The following YEATS4 variants were observed in gnomAD, a reference collection of about 807,000 sequenced individuals.
YEATS4 encodes YEATS domain-containing protein 4.
Under a neutral mutation model 30.1 loss-of-function variants are expected in YEATS4, and 17 were observed. The observed-to-expected ratio is 0.56, with a 90% CI of 0.39 to 0.85. The LOEUF is 0.85. Among genes scored for constraint, YEATS4 ranks in the 40% least tolerant of loss-of-function variants. YEATS4 has a pLI of 0.00. For missense variants in YEATS4, 142 were observed against 268.3 expected (o/e 0.53, Z 3.29); for synonymous variants, 85 against 87.5 (o/e 0.97, Z 0.16).
the YEATS4 span, among the ~76,000 whole-genome samples, chr12:69,401,717 T>C: frequency 6.6e-6 from 1 of 152,228 alleles, no homozygotes; most frequent in Non-Finnish European, 1.5e-5. Context: ...TTAGTTCATA[T>C]ACACCATCCA....
the YEATS4 span, among the ~76,000 whole-genome samples, chr12:69,412,840 A>G: frequency 6.6e-6 from 1 of 151,916 alleles, no homozygotes; most frequent in Non-Finnish European, 1.5e-5. Flanking sequence ...TGGGAGGGAG[A>G]GCAGGAGGGC....
At chr12:69,391,316 C>A (rs578013972), downstream of YEATS4, among the ~76,000 whole-genome samples, 2 of 151,668 alleles carry the variant, frequency 1.3e-5, no homozygotes, top group Non-Finnish European at 2.9e-5. Flanking sequence ...AAAATTAAAT[C>A]TTTCATAGAG....
the YEATS4 span, among the ~76,000 whole-genome samples, chr12:69,416,483 G>A: frequency 1.3e-5 from 2 of 152,156 alleles, no homozygotes; most frequent in Non-Finnish European, 2.9e-5. Flanking sequence ...ATGGTTATCA[G>A]AATGGTGTTT....
intron 4 of YEATS4, among the ~76,000 whole-genome samples, chr12:69,369,123 T>G (rs1001101581): frequency 6.6e-6 from 1 of 152,174 alleles, no homozygotes; most frequent in African/African-American, 2.4e-5. Context: ...TATCCCATCT[T>G]TGACCTCTTT....
At chr12:69,383,578 A>T (rs181399690) in intron 6 of YEATS4, among the ~76,000 whole-genome samples, 1 of 152,330 alleles carries the variant, frequency 6.6e-6, no homozygotes, top group Admixed American at 6.5e-5. Context: ...AGGTGCATGT[A>T]ATGTCCTCAC....
chr12:69,382,130 C>T (rs746220336), intron 6 of YEATS4, among the ~76,000 whole-genome samples: 17 of 152,198 alleles, frequency 1.1e-4, no homozygotes, highest in Non-Finnish European at 2.4e-4. Context: ...TAATCAGTCT[C>T]ATTATAGGAA....
intron 6 of YEATS4, among the ~76,000 whole-genome samples, chr12:69,383,548 A>G (rs1004813269): frequency 2.0e-5 from 3 of 152,212 alleles, no homozygotes; most frequent in African/African-American, 7.2e-5. Context: ...ACAAACAGCA[A>G]ATATGGAGGG....
chr12:69,378,929 C>G (rs938908409), intron 6 of YEATS4, among the ~76,000 whole-genome samples: 3 of 151,562 alleles, frequency 2.0e-5, no homozygotes, highest in African/African-American at 7.3e-5. Flanking sequence ...AGAACTTCAG[C>G]ATTTCTTGTA....
chr12:69,363,912 T>G (rs1464013931), intron 2 of YEATS4, among the ~76,000 whole-genome samples: 1 of 152,210 alleles, frequency 6.6e-6, no homozygotes, highest in African/African-American at 2.4e-5. Flanking sequence ...TGCTACTACA[T>G]GGATGAAACT....
chr12:69,418,245 G>A, the YEATS4 span, among the ~76,000 whole-genome samples: 3 of 152,030 alleles, frequency 2.0e-5, no homozygotes, highest in Non-Finnish European at 4.4e-5. Context: ...TTATTTACTA[G>A]CCAGCCTGGC....
intron 6 of YEATS4, among the ~76,000 whole-genome samples, chr12:69,381,097 G>A (rs1670737): frequency 0.63 from 95,956 of 152,002 alleles, 31,840 homozygotes; most frequent in African/African-American, 0.84. Flanking sequence ...CGGTCTGACC[G>A]AAATTTATTA....
chr12:69,372,045 G>A (rs182036439), intron 6 of YEATS4, among the ~76,000 whole-genome samples: 3 of 152,286 alleles, frequency 2.0e-5, no homozygotes, highest in Admixed American at 1.3e-4. Flanking sequence ...AGAGGACGAG[G>A]AGTGGGAGAT....
At chr12:69,407,379 A>G in the YEATS4 span, among the ~76,000 whole-genome samples, 3 of 152,174 alleles carry the variant, frequency 2.0e-5, no homozygotes, top group African/African-American at 4.8e-5. Flanking sequence ...TGCTGAATAC[A>G]TATTAATTAA....
the YEATS4 span, among the ~76,000 whole-genome samples, chr12:69,413,226 A>G: frequency 6.6e-6 from 1 of 152,146 alleles, no homozygotes; most frequent in Admixed American, 6.5e-5. Flanking sequence ...CAGTCTGGCC[A>G]ACAGAGTGAG....
chr12:69,416,534 G>A, the YEATS4 span, among the ~76,000 whole-genome samples: 9 of 152,124 alleles, frequency 5.9e-5, 1 homozygote, highest in South Asian at 1.9e-3. Flanking sequence ...CTTATCACCA[G>A]TAGGCAAAGA....
the YEATS4 span, among the ~76,000 whole-genome samples, chr12:69,425,821 C>T: frequency 1.3e-5 from 2 of 152,202 alleles, no homozygotes; most frequent in African/African-American, 4.8e-5. Context: ...ACCAAGCAAC[C>T]CACTGTGTGA....
At chr12:69,379,508 G>C (rs1875987857) in intron 6 of YEATS4, among the ~76,000 whole-genome samples, 1 of 150,318 alleles carries the variant, frequency 6.7e-6, no homozygotes, top group Non-Finnish European at 1.5e-5. Flanking sequence ...CACCTTCCGG[G>C]TTCAAGCAAT....
chr12:69,359,925 A>C lies in YEATS4; in HGVS notation c.-48A>C, dbSNP rs766956858. 2 of 1,609,544 alleles carry C rather than the reference A, an allele frequency of 1.2e-6. No homozygotes were observed. Among genetic ancestry groups the C allele is most frequent in the South Asian group, 2.2e-5 (2 of 90,770 alleles). The stretch of plus-strand genomic sequence containing the variant: ...CTCTGAGGGGAGCGGCGACCCCGCC[A>C]GCCCCGGTCTCTTTCCCTGGCGGCG... On this transcript the variant is annotated 5_prime_UTR_variant, in exon 1 of 7. Coordinates refer to ENST00000247843, the MANE Select transcript of YEATS4 (RefSeq NM_006530.4).
At chr12:69,362,649 G>T in intron 1 of YEATS4, 139 bp from the exon 2 acceptor site, 22 of 536,906 alleles carry the variant, frequency 4.1e-5, no homozygotes, top group East Asian at 7.2e-5. Context: ...GTCTGAAATT[G>T]ATTTGAGAGA....
Sources: gnomAD v4.1 joint callset for allele counts (sites outside exome capture counted in the v4.1 genomes callset) on GRCh38, gnomAD v4.1.1 for gene constraint, MANE v1.5 for transcripts, NCBI Gene and HGNC (gene_info 2026-07-23, HGNC 2026-07-21) for gene names.